The following PHLPP2 variants were observed in gnomAD, a reference collection of about 807,000 sequenced individuals.
The protein encoded by PHLPP2 is PH domain leucine-rich repeat-containing protein phosphatase 2.
A neutral mutation model predicts 124.9 loss-of-function variants in PHLPP2; 66 were observed. The observed-to-expected ratio is 0.53, with a 90% CI of 0.43 to 0.65. PHLPP2 has a LOEUF of 0.65. PHLPP2 is among the 30% of genes least tolerant of loss of function. The pLI, the probability that PHLPP2 is intolerant of heterozygous loss-of-function variation, is 0.00. For missense variants in PHLPP2, 1,685 were observed against 1,600.4 expected (o/e 1.05, Z -0.90); for synonymous variants, 681 against 624.7 (o/e 1.09, Z -1.34).
At position 71,652,817 on chromosome 16, in the gene PHLPP2, C is replaced by T. The variant is rs1207569568; in HGVS notation, c.2790G>A (p.Val930=). 2 of 1,613,944 alleles carry T rather than the reference C, an allele frequency of 1.2e-6. No individual in the cohort carries two copies. The highest frequency in any genetic ancestry group is 2.7e-5 in the African/African-American group (2 of 74,934). The change falls in exon 18 of 19, where the codon GTG becomes GTA. Residue 930 remains valine, a synonymous_variant. Transcript: ENST00000568954. ...LEQDPEEAQR[V]KDQKAIITED... is the part of the protein sequence containing the mutation. ...CTGTGATGATGGCTTTTTGGTCCTT[C>T]ACCCTTTGAGCCTCCTCTGGGTCCT...
In PHLPP2 at chr16:71,648,785, A is replaced by AAC. The variant is rs1239731933; in HGVS notation, c.*104_*105insGT. 4.5e-4 allele frequency: 398 copies of AAC among 886,784 alleles called. 2 individuals carry two copies. In the East Asian group the frequency reaches 9.4e-3, roughly 21 times the overall value. 54.9% of individuals were successfully genotyped at this position (886,784 alleles called of 1,614,324 possible). A position where few individuals can be genotyped will look rare whatever the true frequency, so the allele number is the denominator to read the frequency against. Reference sequence around the variant, plus strand: ...GACTCCGTCTCAAAACAAACAAACAAAAAAAAAACGAACAAACAAAAAGAA... The same window carrying AAC: ...GACTCCGTCTCAAAACAAACAAACAAACAAAAAAAACGAACAAACAAAAAGAA... On this transcript the variant is annotated 3_prime_UTR_variant, in exon 19 of 19. Transcript: ENST00000568954.
intron 5 of PHLPP2, among the ~76,000 whole-genome samples, chr16:71,684,125 CTTTTTTTTTTT>C (rs397816254): frequency 8.4e-6 from 1 of 118,836 alleles, no homozygotes; most frequent in Non-Finnish European, 1.7e-5. Flanking sequence ...TTGAGGTACT[CTTTTTTTTTTT>C]TTTTTTTTGA....
chr16:71,679,040 C>T, intron 7 of PHLPP2, 55 bp from the exon 8 acceptor site: 2 of 977,190 alleles, frequency 2.0e-6, no homozygotes, highest in Non-Finnish European at 3.2e-6. Flanking sequence ...CTGGAATGCA[C>T]AGAATCAGAG....
chr16:71,701,734 T>C (rs1200164192), intron 3 of PHLPP2, among the ~76,000 whole-genome samples: 2 of 135,462 alleles, frequency 1.5e-5, no homozygotes, highest in African/African-American at 5.6e-5. Flanking sequence ...GTTTTAGTTA[T>C]CTGCAGTCAA....
intron 1 of PHLPP2, among the ~76,000 whole-genome samples, chr16:71,718,481 G>A (rs2145388582): frequency 6.6e-6 from 1 of 151,784 alleles, no homozygotes; most frequent in African/African-American, 2.4e-5. Context: ...TTGGGAGGCT[G>A]AGGCAAGGAA....
In PHLPP2 at chr16:71,664,049, G is replaced by A. The variant is rs764610479; in HGVS notation, c.1835C>T (p.Ala612Val). 8 of 1,613,936 alleles carry A rather than the reference G, an allele frequency of 5.0e-6. No individual in the cohort carries two copies. Among genetic ancestry groups the A allele is most frequent in the Non-Finnish European group, 6.8e-6 (8 of 1,179,844 alleles). Reference sequence around the variant, plus strand: ...ACTCAAACTCTCCTCTCCAGTGCAGGCGGATGGTAAAGACTCCAGACTATT... The same window carrying A: ...ACTCAAACTCTCCTCTCCAGTGCAGACGGATGGTAAAGACTCCAGACTATT... ...SANSLESLPS[A>V]CTGEESLSML... Residue 612 changes from alanine to valine, a missense_variant, in exon 13 of 19, where the codon GCC (alanine) becomes GTC (valine). Transcript: ENST00000568954.
intron 12 of PHLPP2, chr16:71,664,346 TG>T (rs1245714478): frequency 1.8e-6 from 1 of 550,402 alleles, no homozygotes; most frequent in Non-Finnish European, 3.2e-6. Flanking sequence ...GCTTCTGGAG[TG>T]CCTGATTCTA....
At chr16:71,665,715 T>G (rs2044833393) in intron 12 of PHLPP2, among the ~76,000 whole-genome samples, 1 of 152,204 alleles carries the variant, frequency 6.6e-6, no homozygotes, top group Non-Finnish European at 1.5e-5. Context: ...AGTTACTCAC[T>G]AAAGATTCTA....
Position 71,714,680 on chromosome 16 carries a change from T to C in PHLPP2, c.116A>G (p.Asp39Gly), listed in dbSNP as rs779166331. Residue 39 changes from aspartate to glycine, a missense_variant, in exon 2 of 19, where the codon GAC (aspartate) becomes GGC (glycine). Coordinates refer to ENST00000568954, the MANE Select transcript of PHLPP2 (RefSeq NM_015020.3). ...GGTGGTTGTAGTGGCAGTGGTAGTGTCTGCTCCATAAAGGTAAACACAGCC... is the reference window on the plus strand; with the variant it reads ...GGTGGTTGTAGTGGCAGTGGTAGTGCCTGCTCCATAAAGGTAAACACAGCC... ...KRGCVYLYGA[D>G]TTTATTTTTT... The C allele has an allele frequency of 2.5e-6, 4 of 1,613,688 alleles. No individual in the cohort carries two copies. Among genetic ancestry groups the C allele is most frequent in the Non-Finnish European group, 3.4e-6 (4 of 1,179,766 alleles).
intron 1 of PHLPP2, among the ~76,000 whole-genome samples, chr16:71,719,937 A>G (rs2045387163): frequency 7.1e-6 from 1 of 140,188 alleles, no homozygotes; most frequent in Admixed American, 7.6e-5. Flanking sequence ...AGCTGGGATT[A>G]CAGGTGCACA....
In PHLPP2 at chr16:71,668,911, T is replaced by A. The variant is rs1224427112; in HGVS notation, c.1628+364A>T. Among the ~76,000 whole-genome samples the A allele has an allele frequency of 4.6e-5, 7 of 152,240 alleles. No individual in the cohort carries two copies. The East Asian group carries it at 1.2e-3, about 25-fold the overall frequency. On this transcript the variant is annotated intron_variant, in intron 11 of 18. Coordinates refer to ENST00000568954, the MANE Select transcript of PHLPP2 (RefSeq NM_015020.3). ...ACCTATTAAATATATGATAAGGTTT[T>A]TAAAGGATTAGGTAAGATCATAAAA...
chr16:71,651,676 G>T (rs561713344), intron 18 of PHLPP2, among the ~76,000 whole-genome samples: 5 of 152,076 alleles, frequency 3.3e-5, no homozygotes, highest in Non-Finnish European at 5.9e-5. Flanking sequence ...GATGGTTTTT[G>T]ATTTTGTTTC....
intron 3 of PHLPP2, among the ~76,000 whole-genome samples, chr16:71,697,340 T>C (rs944234231): frequency 6.6e-6 from 1 of 152,024 alleles, no homozygotes; most frequent in Non-Finnish European, 1.5e-5. Context: ...CTGGGGGTTT[T>C]AGGAACCAGG....
chr16:71,669,061 CAT>C (rs1378692183), intron 11 of PHLPP2, among the ~76,000 whole-genome samples: 1 of 152,188 alleles, frequency 6.6e-6, no homozygotes, highest in Non-Finnish European at 1.5e-5. Context: ...CAGTTATCCA[CAT>C]ATGTTACACT....
At chr16:71,716,466 A>G (rs1013155132) in intron 1 of PHLPP2, among the ~76,000 whole-genome samples, 2 of 152,254 alleles carry the variant, frequency 1.3e-5, no homozygotes, top group Admixed American at 1.3e-4. Context: ...ATCTCAAAGC[A>G]AAAACAATTT....
chr16:71,670,845 G>A (rs919981551), intron 10 of PHLPP2, among the ~76,000 whole-genome samples: 1 of 152,124 alleles, frequency 6.6e-6, no homozygotes, highest in African/African-American at 2.4e-5. Context: ...GAACAGAGGA[G>A]AGAAGCTGAG....
chr16:71,663,591 C>T (rs2044812777), intron 13 of PHLPP2, among the ~76,000 whole-genome samples: 1 of 152,120 alleles, frequency 6.6e-6, no homozygotes, highest in Admixed American at 6.5e-5. Flanking sequence ...ACAGTGCTGA[C>T]AAGAGAAAAG....
At chr16:71,715,065 G>C (rs755174384) in intron 1 of PHLPP2, 3 of 454,870 alleles carry the variant, frequency 6.6e-6, no homozygotes, top group Non-Finnish European at 1.2e-5. Flanking sequence ...CAAGAATAAC[G>C]AAACAGCGGG....
At chr16:71,699,908 C>T (rs1183137626) in intron 3 of PHLPP2, among the ~76,000 whole-genome samples, 1 of 152,222 alleles carries the variant, frequency 6.6e-6, no homozygotes, top group Non-Finnish European at 1.5e-5. Flanking sequence ...TGCGCTACAT[C>T]CCACAAAGGG....
Sources: gnomAD v4.1 joint callset for allele counts (sites outside exome capture counted in the v4.1 genomes callset) on GRCh38, gnomAD v4.1.1 for gene constraint, MANE v1.5 for transcripts, NCBI Gene and HGNC (gene_info 2026-07-23, HGNC 2026-07-21) for gene names.